Variants in WDR36 observed in about 807,000 individuals in gnomAD.
WDR36 encodes WD repeat domain 36, also known as WD repeat-containing protein 36.
Under a neutral mutation model 112.7 loss-of-function variants are expected in WDR36, and 63 were observed. The ratio of observed to expected loss-of-function variants is 0.56; its 90% CI spans 0.46 to 0.69. The LOEUF (loss-of-function observed/expected upper bound fraction) is 0.69. Among genes scored for constraint, WDR36 ranks in the 30% least tolerant of loss-of-function variants. The probability of loss-of-function intolerance (pLI) is 0.00; values close to 1 mark genes in which losing one functional copy is unlikely to be tolerated. For missense variants in WDR36, 1,226 were observed against 1,070.3 expected, an observed-to-expected ratio of 1.15 and a Z score of -2.03; for synonymous variants, 410 against 362.2, an observed-to-expected ratio of 1.13 and a Z score of -1.50.
rs1228689139 is a variant in WDR36, at chr5:111,100,287, C to CT, written c.410-292dup. Among the ~76,000 whole-genome samples the CT allele has an allele frequency of 9.0e-3, 1,331 of 148,538 alleles. 20 individuals carry two copies. The highest frequency in any genetic ancestry group is 0.031 in the African/African-American group (1,251 of 40,676). Reference sequence around the variant, plus strand: ...AAACATGAATGCTAATCCTTAGGATCTTTTTTTTTTAACTTTATTATCCTT... The same window carrying CT: ...AAACATGAATGCTAATCCTTAGGATCTTTTTTTTTTTAACTTTATTATCCTT... On this transcript the variant is annotated intron_variant, in intron 4 of 22. Coordinates refer to ENST00000513710, the MANE Select transcript of WDR36 (RefSeq NM_139281.3).
At chr5:111,109,349 T>C (rs1310213188) in intron 12 of WDR36, among the ~76,000 whole-genome samples, 2 of 151,414 alleles carry the variant, frequency 1.3e-5, no homozygotes. Flanking sequence ...AAGAAATCTT[T>C]ATCTAGAAAA....
chr5:111,093,021 G>T (rs1752900159), intron 1 of WDR36, among the ~76,000 whole-genome samples: 1 of 152,198 alleles, frequency 6.6e-6, no homozygotes, highest in South Asian at 2.1e-4. Flanking sequence ...ATTCACTCTA[G>T]GTAGAATACA....
Position 111,104,333 on chromosome 5 carries a change from G to A in WDR36, c.887G>A (p.Gly296Asp), listed in dbSNP as rs750489939. 1.2e-6 allele frequency: 2 copies of A among 1,611,844 alleles called. No homozygotes were observed. The highest frequency in any genetic ancestry group is 1.7e-6 in the Non-Finnish European group (2 of 1,178,404). Residue 296 changes from glycine (G) to aspartate (D), a missense_variant, in exon 8 of 23, where the codon GGC becomes GAC. Physicochemically the swap from Gly to Asp is moderately conservative, Grantham distance 94. Coordinates refer to ENST00000513710, the MANE Select transcript of WDR36 (RefSeq NM_139281.3). ...AGAGAGCCACTTCTTGTCACAAATG[G>A]CGCTGACAATGCTCTTAGGGTATTA... The part of the protein sequence containing the change: ...LHREPLLVTN[G>D]ADNALRIWIF...
chr5:111,098,401 C>T (rs918914608), intron 3 of WDR36, among the ~76,000 whole-genome samples: 6 of 152,078 alleles, frequency 3.9e-5, no homozygotes, highest in African/African-American at 7.2e-5. Context: ...TATGTAGTTG[C>T]ACTGATTGAA....
chr5:111,100,803 C>T (rs1007422849), intron 5 of WDR36, 82 bp downstream of exon 5: 18 of 1,377,832 alleles, frequency 1.3e-5, no homozygotes, highest in Non-Finnish European at 1.8e-5. Flanking sequence ...AGTCTCATTT[C>T]TCCCTGCCCT....
intron 5 of WDR36, among the ~76,000 whole-genome samples, chr5:111,101,655 A>T (rs149048535): frequency 1.3e-5 from 2 of 151,848 alleles, no homozygotes; most frequent in Non-Finnish European, 2.9e-5. Context: ...AAAATATTTG[A>T]CCATCCAAAT....
chr5:111,124,180 A>T lies in WDR36; in HGVS notation c.2341A>T (p.Asn781Tyr), dbSNP rs774141068. 2.3e-5 allele frequency: 37 copies of T among 1,611,108 alleles called. No homozygotes were observed. The highest frequency in any genetic ancestry group is 3.0e-5 in the Non-Finnish European group (35 of 1,178,470). The stretch of plus-strand genomic sequence containing the variant: ...CTTGAAACTTGAAGAAGGACTGGTA[A>T]ATAATAAGTGTAAGTTGAATTATAA... ...FCLKLEEGLV[N>Y]NKYDTALNLL... Residue 781 changes from asparagine to tyrosine, a missense_variant, in exon 21 of 23, where the codon AAT (asparagine) becomes TAT (tyrosine). Transcript: ENST00000513710.
chr5:111,126,319 C>T (rs868391361), intron 22 of WDR36, among the ~76,000 whole-genome samples: 2 of 151,862 alleles, frequency 1.3e-5, no homozygotes, highest in African/African-American at 4.8e-5. Flanking sequence ...AAGACTGTTA[C>T]TTTTATGATT....
At chr5:111,104,490 A>C in intron 8 of WDR36, 138 bp downstream of exon 8, 1 of 1,416,794 alleles carries the variant, frequency 7.1e-7, no homozygotes, top group Non-Finnish European at 9.9e-7. Context: ...GATGAAACAA[A>C]AAGCACAGCA....
intron 4 of WDR36, among the ~76,000 whole-genome samples, chr5:111,099,765 A>G (rs1206413509): frequency 6.6e-6 from 1 of 151,994 alleles, no homozygotes; most frequent in Non-Finnish European, 1.5e-5. Context: ...AGTAAAGTTT[A>G]TATAATTTTC....
At chr5:111,107,054 G>T (rs552069110) in intron 11 of WDR36, among the ~76,000 whole-genome samples, 1 of 151,068 alleles carries the variant, frequency 6.6e-6, no homozygotes. Context: ...TGATTTAGCC[G>T]TTCCACAATG....
At chr5:111,120,853 A>G (rs191209355) in intron 18 of WDR36, 143 bp from the exon 19 acceptor site, 13 of 821,566 alleles carry the variant, frequency 1.6e-5, no homozygotes, top group African/African-American at 1.0e-4. Context: ...TAAGGAAAAG[A>G]CAGGGATAAG....
At chr5:111,105,707 G>T (rs1753210156) in intron 10 of WDR36, among the ~76,000 whole-genome samples, 1 of 151,238 alleles carries the variant, frequency 6.6e-6, no homozygotes, top group Admixed American at 6.6e-5. Context: ...CAATATTTTT[G>T]CTTTAAAGCA....
rs368316707 is a variant in WDR36, at chr5:111,098,711, C to T, written c.292-11C>T. On this transcript the variant is annotated splice_polypyrimidine_tract_variant and intron_variant, in intron 3 of 22. Coordinates refer to ENST00000513710, the MANE Select transcript of WDR36 (RefSeq NM_139281.3). ...AATAATATGAAATTCTTTTAAACTT[C>T]GATGTTTTAGATAGTACATACCTTT... The T allele has an allele frequency of 4.0e-6, 6 of 1,510,962 alleles. No homozygotes were observed. The highest frequency in any genetic ancestry group is 2.8e-5 in the African/African-American group (2 of 72,680). 93.6% of individuals were successfully genotyped at this position (1,510,962 alleles called of 1,614,324 possible). A position where few individuals can be genotyped will look rare whatever the true frequency, so the allele number is the denominator to read the frequency against.
At chr5:111,123,959 G>C (rs532647620) in intron 20 of WDR36, 35 bp downstream of exon 20, 1 of 1,612,372 alleles carries the variant, frequency 6.2e-7, no homozygotes, top group Non-Finnish European at 8.5e-7. Flanking sequence ...AAGTATATCG[G>C]TGTATGTTTG....
At chr5:111,103,359 G>A (rs1753159750) in intron 6 of WDR36, among the ~76,000 whole-genome samples, 1 of 151,682 alleles carries the variant, frequency 6.6e-6, no homozygotes, top group Admixed American at 6.6e-5. Flanking sequence ...TCTTGGATAA[G>A]CAATTCTTCA....
chr5:111,121,098 C>G lies in WDR36; in HGVS notation c.2105C>G (p.Pro702Arg). 12 of 1,613,554 alleles carry G rather than the reference C, an allele frequency of 7.4e-6. No individual in the cohort carries two copies. The highest frequency in any genetic ancestry group is 1.1e-5 in the South Asian group (1 of 91,074). ...CAATTGGTGACTCTTTCACTTCTTC[C>G]TGAATCACGATGGAAAAACCTTCTT... ...NEQLVTLSLL[P>R]ESRWKNLLNL... The change falls in exon 19 of 23, where the codon CCT becomes CGT. Residue 702 changes from proline to arginine, a missense_variant. Coordinates refer to ENST00000513710, the MANE Select transcript of WDR36 (RefSeq NM_139281.3).
Position 111,104,351 on chromosome 5 carries a change from G to A in WDR36, c.905G>A (p.Arg302Lys). 1 of 1,611,658 alleles carries A rather than the reference G, an allele frequency of 6.2e-7. No homozygotes were observed. The highest frequency in any genetic ancestry group is 1.1e-5 in the South Asian group (1 of 91,046). The part of the protein sequence containing the change: ...LVTNGADNAL[R>K]IWIFDGPTGE... ...ACAAATGGCGCTGACAATGCTCTTA[G>A]GGTATTATGATTATTGTTAACATCT... Residue 302 changes from arginine to lysine, a missense_variant and splice_region_variant, in exon 8 of 23, where the codon AGG becomes AAG. Coordinates refer to ENST00000513710, the MANE Select transcript of WDR36 (RefSeq NM_139281.3).
intron 15 of WDR36, among the ~76,000 whole-genome samples, chr5:111,112,033 A>G (rs1023704499): frequency 2.6e-5 from 4 of 151,758 alleles, no homozygotes; most frequent in African/African-American, 7.3e-5. Flanking sequence ...AAAATTGAAG[A>G]AAAAAAACAT....
Sources: gnomAD v4.1 joint callset for allele counts (sites outside exome capture counted in the v4.1 genomes callset) on GRCh38, gnomAD v4.1.1 for gene constraint, MANE v1.5 for transcripts, NCBI Gene and HGNC (gene_info 2026-07-23, HGNC 2026-07-21) for gene names.